The following SARM1 variants were observed in gnomAD, a reference collection of about 807,000 sequenced individuals.
SARM1 encodes sterile alpha and TIR motif containing 1, also known as NAD(+) hydrolase SARM1.
In SARM1, 60 loss-of-function variants were observed where a neutral mutation model predicts 65.1. That is an observed-to-expected ratio of 0.92 (90% confidence interval 0.75 to 1.14). SARM1 has a LOEUF of 1.14. Among genes scored for constraint, SARM1 ranks in the 50% most tolerant of loss-of-function variants. SARM1 has a pLI of 0.00. For synonymous variants in SARM1, 417 were observed against 465.4 expected (o/e 0.90, Z 1.34); for missense variants, 913 against 1,015.7 (o/e 0.90, Z 1.37).
chr17:28,379,532 G>C (rs959033915), intron 1 of SARM1, among the ~76,000 whole-genome samples: 7 of 151,872 alleles, frequency 4.6e-5, no homozygotes, highest in Non-Finnish European at 4.4e-5. Context: ...GGATGGTCTC[G>C]AGCTCCTGAC....
At chr17:28,379,467 C>T (rs1287987932) in intron 1 of SARM1, among the ~76,000 whole-genome samples, 3 of 151,878 alleles carry the variant, frequency 2.0e-5, no homozygotes, top group African/African-American at 4.8e-5. Context: ...CCCGCCACCA[C>T]GCCCGGCTAA....
intron 1 of SARM1, among the ~76,000 whole-genome samples, chr17:28,376,670 A>G (rs546184031): frequency 1.0e-3 from 157 of 152,276 alleles, no homozygotes; most frequent in African/African-American, 3.5e-3. Flanking sequence ...GGGTCTTTCT[A>G]TGTTGCCCAG....
chr17:28,382,330 G>A (rs1342646801), intron 2 of SARM1, among the ~76,000 whole-genome samples: 4 of 152,172 alleles, frequency 2.6e-5, no homozygotes, highest in African/African-American at 9.7e-5. Context: ...AGTGGAAGTG[G>A]GGAAGGGGAA....
At chr17:28,389,847 G>C (rs921162712) in intron 7 of SARM1, among the ~76,000 whole-genome samples, 9 of 152,212 alleles carry the variant, frequency 5.9e-5, no homozygotes, top group Non-Finnish European at 1.3e-4. Context: ...ACTCCAGCTT[G>C]GGCAACAGAG....
chr17:28,378,490 C>G (rs190683756), intron 1 of SARM1, among the ~76,000 whole-genome samples: 40 of 152,300 alleles, frequency 2.6e-4, no homozygotes, highest in Admixed American at 2.6e-3. Flanking sequence ...TATCTGTGTT[C>G]TGCTAAAATC....
Position 28,400,733 on chromosome 17 carries a change from C to T in SARM1, c.*4447C>T, listed in dbSNP as rs782796227. On this transcript the variant is annotated 3_prime_UTR_variant, in exon 9 of 9. Coordinates refer to ENST00000585482, the MANE Select transcript of SARM1 (RefSeq NM_015077.4). ...GCCGGAGGCCGTCAGCATGGCCAGGCTATTCACACAGGCCACAGCAGAAAA... is the reference window on the plus strand; with the variant it reads ...GCCGGAGGCCGTCAGCATGGCCAGGTTATTCACACAGGCCACAGCAGAAAA... The T allele has an allele frequency of 1.9e-6, 3 of 1,595,792 alleles. No individual in the cohort carries two copies. The highest frequency in any genetic ancestry group is 3.5e-5 in the Admixed American group (2 of 56,354).
At chr17:28,395,645 A>T in intron 7 of SARM1, 1 of 407,244 alleles carries the variant, frequency 2.5e-6, no homozygotes. Context: ...GTGGGGAATC[A>T]TCTCTTTAGC....
At chr17:28,379,299 CTTTTTTTTTTTTTTT>C (rs1193480505) in intron 1 of SARM1, among the ~76,000 whole-genome samples, 1 of 78,360 alleles carries the variant, frequency 1.3e-5, no homozygotes, top group Non-Finnish European at 2.4e-5. Context: ...CCATTTAGAT[CTTTTTTTTTTTTTTT>C]TTTTTTTTTT....
At position 28,385,198 on chromosome 17, in the gene SARM1, T is replaced by A; in HGVS notation, c.1553T>A (p.Val518Glu). The A allele has an allele frequency of 2.5e-6, 4 of 1,606,768 alleles. No individual in the cohort carries two copies. The highest frequency in any genetic ancestry group is 2.5e-6 in the Non-Finnish European group (3 of 1,178,116). Residue 518 changes from valine (V) to glutamate (E), a missense_variant, in exon 5 of 9, where the codon GTG becomes GAG. This residue lies in a region of SARM1 where 862 missense variants were observed against 952.1 expected (regional missense o/e 0.91). Transcript: ENST00000585482. This position sits in a 1 kb window ranked among gnomAD's most constrained non-coding sequence, Gnocchi z 4.5. ...CTGGACCGCTCCCTGCTGCACCGCG[T>A]GTCTGAGCAGCAGCTGCTGGAAGAC... ...CGLDRSLLHR[V>E]SEQQLLEDCG...
intron 5 of SARM1, among the ~76,000 whole-genome samples, chr17:28,386,165 T>C (rs1199256895): frequency 6.6e-6 from 1 of 151,952 alleles, no homozygotes; most frequent in Non-Finnish European, 1.5e-5. Flanking sequence ...ATTAGCTAGG[T>C]GTGGTGGCGC....
At chr17:28,394,532 G>T (rs898273145) in intron 7 of SARM1, among the ~76,000 whole-genome samples, 2 of 152,172 alleles carry the variant, frequency 1.3e-5, no homozygotes, top group Non-Finnish European at 2.9e-5. Context: ...CAGTCACGAG[G>T]CCCAGGCCCC....
In SARM1 at chr17:28,385,516, G is replaced by T. The variant is rs1195694236; in HGVS notation, c.1630+241G>T. On this transcript the variant is annotated intron_variant, in intron 5 of 8. Transcript: ENST00000585482. This position sits in a 1 kb window ranked among gnomAD's most constrained non-coding sequence, Gnocchi z 4.5. ...GGCTATTAAACAGGCAAGCGGCCCCGGCAGGAAGCTACCCAGGTCTCCAGT... is the reference window on the plus strand; with the variant it reads ...GGCTATTAAACAGGCAAGCGGCCCCTGCAGGAAGCTACCCAGGTCTCCAGT... 1 of 543,838 alleles carries T rather than the reference G, an allele frequency of 1.8e-6. No individual in the cohort carries two copies. Among genetic ancestry groups the T allele is most frequent in the Admixed American group, 3.6e-5 (1 of 27,530 alleles). The allele number at this position is 543,838 out of a possible 1,614,324, so 33.7% of individuals were successfully genotyped here.
chr17:28,399,841 A>G lies in SARM1; in HGVS notation c.*3555A>G, dbSNP rs2068174960. ...CTCTCCTGAACCTCCTCCTTCCCCA[A>G]GCTGAGAAGCTGAGAGCTGGAGGAC... On this transcript the variant is annotated 3_prime_UTR_variant, in exon 9 of 9. Transcript: ENST00000585482. 1.1e-5 allele frequency: 9 copies of G among 853,192 alleles called. No homozygotes were observed. Among genetic ancestry groups the G allele is most frequent in the African/African-American group, 1.7e-5 (1 of 60,030 alleles). The allele number at this position is 853,192 out of a possible 1,614,324, so 52.9% of individuals were successfully genotyped here. A position where few individuals can be genotyped will look rare whatever the true frequency, so the allele number is the denominator to read the frequency against.
At position 28,400,858 on chromosome 17, in the gene SARM1, T is replaced by A; in HGVS notation, c.*4572T>A. 2 of 1,160,352 alleles carry A rather than the reference T, an allele frequency of 1.7e-6. No individual in the cohort carries two copies. The highest frequency in any genetic ancestry group is 2.6e-5 in the South Asian group (2 of 75,488). The allele number at this position is 1,160,352 out of a possible 1,614,324, so 71.9% of individuals were successfully genotyped here. ...CTCACAGCTGTGTGACCGGGAGTAG[T>A]CACTTAACCTATGTCTCCCCTTCCT... On this transcript the variant is annotated 3_prime_UTR_variant, in exon 9 of 9. Coordinates refer to ENST00000585482, the MANE Select transcript of SARM1 (RefSeq NM_015077.4).
intron 7 of SARM1, chr17:28,395,478 T>C: frequency 5.9e-6 from 1 of 170,336 alleles, no homozygotes; most frequent in Non-Finnish European, 1.3e-5. Context: ...ATTAAATCAT[T>C]GGCCATTGGT....
At chr17:28,376,854 TC>T (rs1264937542) in intron 1 of SARM1, among the ~76,000 whole-genome samples, 1 of 50 alleles carries the variant, frequency 0.02, no homozygotes, top group Non-Finnish European at 0.038. Context: ...AGTGGCACGA[TC>T]TTGGGCTCAC....
chr17:28,372,257 C>A lies in SARM1; in HGVS notation c.225C>A (p.Ala75=). Residue 75 remains alanine (A), a synonymous_variant, in exon 1 of 9, where the codon GCC becomes GCA. Coordinates refer to ENST00000585482, the MANE Select transcript of SARM1 (RefSeq NM_015077.4). This position sits in a 1 kb window ranked among gnomAD's most constrained non-coding sequence, Gnocchi z 5.2. The part of the protein sequence containing the change: ...LERALPELQQ[A]LSALKQAGGA... ...GCGCGCTGCCGGAGCTGCAGCAGGC[C>A]TTGTCCGCGCTGAAGCAGGCGGGCG... The A allele has an allele frequency of 7.2e-7, 1 of 1,393,388 alleles. No homozygotes were observed. The highest frequency in any genetic ancestry group is 9.2e-7 in the Non-Finnish European group (1 of 1,084,468). 86.3% of individuals were successfully genotyped at this position (1,393,388 alleles called of 1,614,324 possible). A position where few individuals can be genotyped will look rare whatever the true frequency, so the allele number is the denominator to read the frequency against.
At chr17:28,383,393 G>A (rs1431914491) in intron 2 of SARM1, among the ~76,000 whole-genome samples, 1 of 152,136 alleles carries the variant, frequency 6.6e-6, no homozygotes, top group Non-Finnish European at 1.5e-5. Flanking sequence ...AAAGAAAAAG[G>A]AGACTGCTAT....
Position 28,399,500 on chromosome 17 carries a change from G to A in SARM1, c.*3214G>A. On this transcript the variant is annotated 3_prime_UTR_variant, in exon 9 of 9. Transcript: ENST00000585482. ...AGGCTGGGTCAGCTGTGGATGGGGTGGTGCCTTGGTCTCTCTTGACTACCT... is the reference window on the plus strand; with the variant it reads ...AGGCTGGGTCAGCTGTGGATGGGGTAGTGCCTTGGTCTCTCTTGACTACCT... The A allele has an allele frequency of 1.4e-6, 1 of 692,496 alleles. No individual in the cohort carries two copies. Among genetic ancestry groups the A allele is most frequent in the Non-Finnish European group, 2.5e-6 (1 of 401,598 alleles). 42.9% of individuals were successfully genotyped at this position (692,496 alleles called of 1,614,324 possible). A position where few individuals can be genotyped will look rare whatever the true frequency, so the allele number is the denominator to read the frequency against.
Sources: gnomAD v4.1 joint callset for allele counts (sites outside exome capture counted in the v4.1 genomes callset) on GRCh38, gnomAD v4.1.1 for gene constraint, gnomAD v4.1.1 regional missense constraint, Gnocchi (gnomAD v3.1) non-coding constraint, MANE v1.5 for transcripts, NCBI Gene and HGNC (gene_info 2026-07-23, HGNC 2026-07-21) for gene names.